SCUBE2: variants seen among roughly 807,000 people sequenced by gnomAD.
The protein encoded by SCUBE2 is signal peptide, CUB and EGF-like domain-containing protein 2.
Under a neutral mutation model 125.9 loss-of-function variants are expected in SCUBE2, and 114 were observed. The ratio of observed to expected loss-of-function variants is 0.91; its 90% CI spans 0.78 to 1.06. The LOEUF is 1.06. Ranked by LOEUF, SCUBE2 falls within the 50% of genes least tolerant of loss-of-function variation. The pLI, the probability that SCUBE2 is intolerant of heterozygous loss-of-function variation, is 0.00. For synonymous variants in SCUBE2, 459 were observed against 492.9 expected (o/e 0.93, Z 0.91); for missense variants, 1,255 against 1,301.8 (o/e 0.96, Z 0.55).
intron 17 of SCUBE2, 41 bp downstream of exon 17, chr11:9,033,585 C>CAGAG: frequency 6.3e-7 from 1 of 1,594,716 alleles, no homozygotes; most frequent in Non-Finnish European, 8.6e-7. Context: ...ACAATGACAT[C>CAGAG]AGAGATGGGA....
chr11:9,029,474 G>A (rs1390378391), intron 19 of SCUBE2, among the ~76,000 whole-genome samples: 3 of 152,128 alleles, frequency 2.0e-5, no homozygotes, highest in African/African-American at 4.8e-5. Flanking sequence ...AGAGTCAATC[G>A]CTCCTTCCTC....
chr11:9,038,257 T>G (rs78408706), intron 16 of SCUBE2, among the ~76,000 whole-genome samples: 2,969 of 152,238 alleles, frequency 0.02, 42 homozygotes, highest in Non-Finnish European at 0.032. Context: ...AGGGGAAGAT[T>G]ACAAAGAGGG....
chr11:9,060,358 C>T (rs953540422), intron 8 of SCUBE2, 50 bp downstream of exon 8: 2 of 1,403,056 alleles, frequency 1.4e-6, no homozygotes, highest in Non-Finnish European at 2.0e-6. Flanking sequence ...GCGGCATGGG[C>T]CCTCCCTCCA....
In SCUBE2 at chr11:9,079,465, C is replaced by G; in HGVS notation, c.301G>C (p.Asp101His). 6.2e-7 allele frequency: 1 copy of G among 1,614,084 alleles called. No individual in the cohort carries two copies. Among genetic ancestry groups the G allele is most frequent in the Non-Finnish European group, 8.5e-7 (1 of 1,179,958 alleles). ...GNELNGGCVH[D>H]CLNIPGNYRC... ...TAATTGCCTGGAATATTCAAACAGT[C>G]ATGGACACAGCCTCCATTGAGCTCA... Residue 101 changes from aspartate to histidine, a missense_variant, in exon 3 of 23, where the codon GAC becomes CAC. Physicochemically the swap from Asp to His is moderately conservative, Grantham distance 81. This residue lies in a region of SCUBE2 where 362 missense variants were observed against 323.0 expected (regional missense o/e 1.12). Transcript: ENST00000649792.
rs987967761 is a variant in SCUBE2, at chr11:9,048,077, T to C, written c.1661A>G (p.Glu554Gly). The change falls in exon 15 of 23, where the codon GAG (glutamate) becomes GGG (glycine). Residue 554 changes from glutamate (E) to glycine (G), a missense_variant. This residue lies in a region of SCUBE2 where 378 missense variants were observed against 463.1 expected (regional missense o/e 0.82). Transcript: ENST00000649792. ...TGTAAGGTTTACGTAGCGGAAGCTC[T>C]CTTTTACTGAGCTGTGCTTCTCTGT... ...ALPEKHSSVK[E>G]SFRYVNLTCS... 1 of 1,613,274 alleles carries C rather than the reference T, an allele frequency of 6.2e-7. No homozygotes were observed. Among genetic ancestry groups the C allele is most frequent in the African/African-American group, 1.3e-5 (1 of 74,872 alleles).
rs1270168568 is a variant in SCUBE2 at position 9,019,509 on chromosome 11, T to C, written c.*1536A>G. On this transcript the variant is annotated 3_prime_UTR_variant, in exon 23 of 23. Transcript: ENST00000649792. The stretch of plus-strand genomic sequence containing the variant: ...AACAAAGTCCAAGTGCTTGTTTTAA[T>C]GCTATTTTTTTTTTAATGATGATGT... Among the ~76,000 whole-genome samples the C allele has an allele frequency of 8.3e-6, 1 of 121,166 alleles. No individual in the cohort carries two copies. Among genetic ancestry groups the C allele is most frequent in the Non-Finnish European group, 2.0e-5 (1 of 49,688 alleles). The allele number at this position is 121,166 out of a possible 152,430, so 79.5% of individuals were successfully genotyped here.
At chr11:9,030,213 T>C in intron 18 of SCUBE2, 168 bp from the exon 19 acceptor site, 1 of 674,708 alleles carries the variant, frequency 1.5e-6, no homozygotes, top group East Asian at 2.7e-5. Flanking sequence ...ATAGGCAGTG[T>C]GGATGGGGCT....
At position 9,030,738 on chromosome 11, in the gene SCUBE2, G is replaced by A. The variant is rs780802641; in HGVS notation, c.2341+20C>T. 1.2e-6 allele frequency: 2 copies of A among 1,602,576 alleles called. No individual in the cohort carries two copies. The highest frequency in any genetic ancestry group is 1.7e-6 in the Non-Finnish European group (2 of 1,173,420). On this transcript the variant is annotated intron_variant, in intron 18 of 22. Coordinates refer to ENST00000649792, the MANE Select transcript of SCUBE2 (RefSeq NM_001367977.2). ...AAGGGAAATCCAGTCCTAGAAAAAG[G>A]CAAGCTGCCAAGTACTCACCTCTGG...
rs749129032 is a variant in SCUBE2, at chr11:9,091,357, C to A, written c.133+39G>T. ...GACCTAAACACTCTTCCTGGCCCTGCCTGCTGTGCCAGGTGCGCCCCCGCG... is the reference window on the plus strand; with the variant it reads ...GACCTAAACACTCTTCCTGGCCCTGACTGCTGTGCCAGGTGCGCCCCCGCG... On this transcript the variant is annotated intron_variant, in intron 1 of 22. Transcript: ENST00000649792. The surrounding 1 kb of genome is among the most constrained non-coding windows in gnomAD (Gnocchi z 8.5). 7.0e-6 allele frequency: 9 copies of A among 1,287,870 alleles called. No homozygotes were observed. The highest frequency in any genetic ancestry group is 8.8e-6 in the Non-Finnish European group (9 of 1,019,284). 79.8% of individuals were successfully genotyped at this position (1,287,870 alleles called of 1,614,324 possible). A position where few individuals can be genotyped will look rare whatever the true frequency, so the allele number is the denominator to read the frequency against.
chr11:9,066,546 T>C, intron 6 of SCUBE2, 151 bp downstream of exon 6: 1 of 660,576 alleles, frequency 1.5e-6, no homozygotes. Flanking sequence ...CCTAGACCAC[T>C]CCCACTGTAG....
intron 2 of SCUBE2, among the ~76,000 whole-genome samples, chr11:9,088,708 A>C (rs949528578): frequency 1.3e-5 from 2 of 152,216 alleles, no homozygotes; most frequent in East Asian, 3.8e-4. Flanking sequence ...GGTTGGGTCC[A>C]GGAGCAAGGA....
At chr11:9,028,751 G>A (rs1024833817) in intron 19 of SCUBE2, among the ~76,000 whole-genome samples, 2 of 152,162 alleles carry the variant, frequency 1.3e-5, no homozygotes, top group Admixed American at 1.3e-4. Context: ...GTCCTGAAGG[G>A]CTGCCCTAGG....
intron 3 of SCUBE2, among the ~76,000 whole-genome samples, chr11:9,074,820 C>T (rs956705590): frequency 6.6e-6 from 1 of 152,248 alleles, no homozygotes; most frequent in Non-Finnish European, 1.5e-5. Flanking sequence ...AGGACCGCCA[C>T]ATGGACACAA....
chr11:9,066,800 A>C lies in SCUBE2; in HGVS notation c.657T>G (p.His219Gln). Reference protein sequence around the residue: ...NQRDCILTCNHGNGGCQHSCD... With the variant: ...NQRDCILTCNQGNGGCQHSCD... ...AGGAGTGCTGGCACCCACCGTTCCCATGGTTACAGGTCACTGACAGCAAAA... is the reference window on the plus strand; with the variant it reads ...AGGAGTGCTGGCACCCACCGTTCCCCTGGTTACAGGTCACTGACAGCAAAA... The change falls in exon 6 of 23, where the codon CAT (histidine) becomes CAG (glutamine). Residue 219 changes from histidine (H) to glutamine (Q), a missense_variant. His to Gln is a conservative substitution (Grantham distance 24). Coordinates refer to ENST00000649792, the MANE Select transcript of SCUBE2 (RefSeq NM_001367977.2). 7 of 1,614,042 alleles carry C rather than the reference A, an allele frequency of 4.3e-6. No homozygotes were observed. The highest frequency in any genetic ancestry group is 5.9e-6 in the Non-Finnish European group (7 of 1,179,906).
rs146674654 is a variant in SCUBE2, at chr11:9,031,517, T to C, written c.2174-592A>G. On this transcript the variant is annotated intron_variant, in intron 17 of 22. Transcript: ENST00000649792. ...AGTGGCACATGTCTGTAGTCCCAGC[T>C]ACTCTGGGACTGAGGCAGGAGGATC... is the stretch of plus-strand genomic sequence containing the variant. Among the ~76,000 whole-genome samples, 1,034 of 152,068 alleles carry C rather than the reference T, an allele frequency of 6.8e-3. 5 individuals are homozygous for C. Among genetic ancestry groups the C allele is most frequent in the Non-Finnish European group, 0.011 (753 of 67,986 alleles).
At chr11:9,024,005 G>GAA (rs1193876018) in intron 21 of SCUBE2, among the ~76,000 whole-genome samples, 1 of 140,512 alleles carries the variant, frequency 7.1e-6, no homozygotes, top group Non-Finnish European at 1.6e-5. Context: ...ATATATGTTT[G>GAA]AAAAAAAAAA....
intron 13 of SCUBE2, among the ~76,000 whole-genome samples, chr11:9,051,072 A>G (rs184913419): frequency 6.6e-6 from 1 of 152,330 alleles, no homozygotes; most frequent in African/African-American, 2.4e-5. Flanking sequence ...CTGAGGCAGG[A>G]GAATTGCTTG....
In SCUBE2 at chr11:9,053,763, T is replaced by C; in HGVS notation, c.1208-4A>G. The C allele has an allele frequency of 6.2e-7, 1 of 1,611,258 alleles. No individual in the cohort carries two copies. The highest frequency in any genetic ancestry group is 8.5e-7 in the Non-Finnish European group (1 of 1,177,834). Reference sequence around the variant, plus strand: ...TTGATGCTGCACTCATTGGTGTCTGTGGAACAAAATACTCTCCTGTCATAG... The same window carrying C: ...TTGATGCTGCACTCATTGGTGTCTGCGGAACAAAATACTCTCCTGTCATAG... On this transcript the variant is annotated splice_region_variant and splice_polypyrimidine_tract_variant and intron_variant, in intron 10 of 22. Coordinates refer to ENST00000649792, the MANE Select transcript of SCUBE2 (RefSeq NM_001367977.2).
intron 1 of SCUBE2, among the ~76,000 whole-genome samples, chr11:9,090,717 C>T (rs145912266): frequency 1.2e-3 from 183 of 152,128 alleles, no homozygotes; most frequent in African/African-American, 3.9e-3. Flanking sequence ...CCCACCCCTG[C>T]CCATCCTCTC....
Sources: allele counts gnomAD v4.1 joint callset (sites outside exome capture counted in the v4.1 genomes callset), GRCh38; gene constraint gnomAD v4.1.1; regional missense constraint gnomAD v4.1.1; non-coding constraint Gnocchi (gnomAD v3.1); transcripts MANE v1.5; gene names NCBI Gene and HGNC (gene_info 2026-07-23, HGNC 2026-07-21).